ERCC6L2: variants seen among roughly 807,000 people sequenced by gnomAD.
ERCC6L2 encodes the protein DNA excision repair protein ERCC-6-like 2.
ERCC6L2 carries 77 observed loss-of-function variants against 132.0 expected under a neutral mutation model. That is an observed-to-expected ratio of 0.58 (90% CI 0.49 to 0.71). The LOEUF (loss-of-function observed/expected upper bound fraction) is 0.71. Ranked by LOEUF, ERCC6L2 falls within the 30% of genes least tolerant of loss-of-function variation. The pLI, the probability that ERCC6L2 is intolerant of heterozygous loss-of-function variation, is 0.00. For synonymous variants in ERCC6L2, 583 were observed against 632.4 expected (o/e 0.92, Z 1.17); for missense variants, 1,542 against 1,837.6 (o/e 0.84, Z 2.94).
chr9:95,972,047 A>T lies in ERCC6L2; in HGVS notation c.2296A>T (p.Thr766Ser). The change falls in exon 16 of 19, where the codon ACA (threonine) becomes TCA (serine). Residue 766 changes from threonine to serine, a missense_variant. Thr to Ser is a moderately conservative substitution (Grantham distance 58, BLOSUM62 1). Around this residue, in one of 4 missense-constraint regions of ERCC6L2, gnomAD observed 945 missense variants for 1,105.2 expected, o/e 0.86. Coordinates refer to ENST00000653738, the MANE Select transcript of ERCC6L2 (RefSeq NM_020207.7). ...CAGTGATGAAGAGCCAGTGGGAGCC[A>T]CAGGAATAAAGACTGCCAAAAACAA... Reference protein sequence around the residue: ...DFSDEEPVGATGIKTAKNKAP... With the variant: ...DFSDEEPVGASGIKTAKNKAP... 7.7e-7 allele frequency: 1 copy of T among 1,304,306 alleles called. No individual in the cohort carries two copies. The allele number at this position is 1,304,306 out of a possible 1,614,324, so 80.8% of individuals were successfully genotyped here. A position where few individuals can be genotyped will look rare whatever the true frequency, so the allele number is the denominator to read the frequency against.
rs113712008 is a variant in ERCC6L2 at position 95,944,588 on chromosome 9, C to G, written c.1847+3039C>G. Among the ~76,000 whole-genome samples the G allele has an allele frequency of 7.6e-3, 1,156 of 152,276 alleles. 23 individuals carry two copies. The highest frequency in any genetic ancestry group is 0.027 in the African/African-American group (1,123 of 41,562). On this transcript the variant is annotated intron_variant, in intron 12 of 18. Coordinates refer to ENST00000653738, the MANE Select transcript of ERCC6L2 (RefSeq NM_020207.7). ...TGATTATGATACAATTGGTTCTCAA[C>G]TCCACTTTGAAAAACACTGGATATT...
intron 12 of ERCC6L2, among the ~76,000 whole-genome samples, chr9:95,948,609 C>T (rs1831174466): frequency 6.6e-6 from 1 of 151,880 alleles, no homozygotes; most frequent in African/African-American, 2.4e-5. Context: ...TGGCAGCATA[C>T]CCAGGCAGGA....
Position 95,915,658 on chromosome 9 carries a change from TA to T in ERCC6L2, c.789-9del, listed in dbSNP as rs753334112. The T allele has an allele frequency of 6.3e-7, 1 of 1,593,714 alleles. No individual in the cohort carries two copies. The highest frequency in any genetic ancestry group is 8.5e-7 in the Non-Finnish European group (1 of 1,172,212). ...TCTCAACCTCACCCTTCTTTTTTCT[TA>T]CTTTATAGTTTGGAATGGTCAGCTG... On this transcript the variant is annotated splice_polypyrimidine_tract_variant and intron_variant, in intron 4 of 18. Transcript: ENST00000653738.
At chr9:95,943,468 G>A (rs1216412311) in intron 12 of ERCC6L2, among the ~76,000 whole-genome samples, 13 of 152,032 alleles carry the variant, frequency 8.6e-5, no homozygotes, top group Admixed American at 8.5e-4. Context: ...CACCCTGCAG[G>A]CATTCTGTTT....
At chr9:95,990,997 C>G (rs577295374) in intron 17 of ERCC6L2, among the ~76,000 whole-genome samples, 1 of 152,146 alleles carries the variant, frequency 6.6e-6, no homozygotes, top group African/African-American at 2.4e-5. Context: ...CCATCTCCAG[C>G]CAGGCCCCTC....
intron 11 of ERCC6L2, among the ~76,000 whole-genome samples, chr9:95,931,921 C>T (rs1384646468): frequency 1.3e-5 from 2 of 151,124 alleles, no homozygotes; most frequent in East Asian, 1.9e-4. Flanking sequence ...TTTTTCTCTG[C>T]TCCCTCCCTC....
chr9:95,882,894 G>A (rs1827669117), intron 2 of ERCC6L2, among the ~76,000 whole-genome samples: 1 of 152,172 alleles, frequency 6.6e-6, no homozygotes, highest in East Asian at 1.9e-4. Context: ...CATTTAGCAT[G>A]CCGGCCTGTA....
At chr9:95,935,429 G>GT (rs1476750451) in intron 11 of ERCC6L2, among the ~76,000 whole-genome samples, 2 of 152,124 alleles carry the variant, frequency 1.3e-5, no homozygotes, top group African/African-American at 4.8e-5. Context: ...TTAACAGAGT[G>GT]TAAGTATCCA....
chr9:95,949,043 AAAAG>A lies in ERCC6L2; in HGVS notation c.1848-6869_1848-6866del, dbSNP rs571116131. Among the ~76,000 whole-genome samples, 439 of 152,208 alleles carry A rather than the reference AAAAG, an allele frequency of 2.9e-3. 2 individuals carry two copies. Among genetic ancestry groups the A allele is most frequent in the African/African-American group, 0.01 (420 of 41,562 alleles). On this transcript the variant is annotated intron_variant, in intron 12 of 18. Coordinates refer to ENST00000653738, the MANE Select transcript of ERCC6L2 (RefSeq NM_020207.7). ...AAGAGATAGAAATTAAAAAAAGAAA[AAAAG>A]AGAGAGAACCAAACAAATTCTGGAC...
chr9:95,880,708 A>G (rs1195752171), intron 1 of ERCC6L2, among the ~76,000 whole-genome samples, 161 bp from the exon 2 acceptor site: 4 of 152,162 alleles, frequency 2.6e-5, no homozygotes, highest in African/African-American at 9.7e-5. Flanking sequence ...ATATCTGAAA[A>G]TCTATTTTAG....
At chr9:95,904,696 A>G (rs1828945232) in intron 3 of ERCC6L2, among the ~76,000 whole-genome samples, 1 of 152,110 alleles carries the variant, frequency 6.6e-6, no homozygotes, top group Admixed American at 6.6e-5. Flanking sequence ...TATTAATACT[A>G]TTACTACTTC....
At position 96,014,072 on chromosome 9, in the gene ERCC6L2, C is replaced by G. The variant is rs931379240; in HGVS notation, c.*869C>G. On this transcript the variant is annotated 3_prime_UTR_variant, in exon 19 of 19. Transcript: ENST00000653738. ...ATGCATGTATTTAGAAGCCTTTACT[C>G]AGCCCCTGTGTTCTGTGCTAGGAGC... 6.6e-6 allele frequency: 1 copy of G among 152,214 alleles called. No homozygotes were observed. Among genetic ancestry groups the G allele is most frequent in the Admixed American group, 6.5e-5 (1 of 15,290 alleles). The allele number at this position is 152,214 out of a possible 1,614,324, so 9.4% of individuals were successfully genotyped here.
In ERCC6L2 at chr9:95,967,947, ATTAT is replaced by A. The variant is rs1395131595; in HGVS notation, c.2100+1238_2100+1241del. ...TTGTCTATAAAAATATTAGCATTTT[ATTAT>A]TTATCCTGTTTTCTGTCATATATGA... On this transcript the variant is annotated intron_variant, in intron 14 of 18. Transcript: ENST00000653738. 3.9e-5 allele frequency: 6 copies of A among 152,292 alleles called. No individual in the cohort carries two copies. The South Asian group carries it at 1.0e-3, about 26-fold the overall frequency. The allele number at this position is 152,292 out of a possible 1,614,324, so 9.4% of individuals were successfully genotyped here.
chr9:95,984,840 G>C (rs115779500), intron 17 of ERCC6L2, among the ~76,000 whole-genome samples: 1 of 152,110 alleles, frequency 6.6e-6, no homozygotes, highest in East Asian at 1.9e-4. Context: ...TTTATTCCAT[G>C]AACAACTTTC....
chr9:95,970,000 G>T (rs1490636704), intron 14 of ERCC6L2, among the ~76,000 whole-genome samples: 4 of 152,112 alleles, frequency 2.6e-5, no homozygotes, highest in African/African-American at 9.7e-5. Flanking sequence ...AAGCTTTAAA[G>T]TCCAAATACT....
chr9:95,974,453 A>G (rs1322493548), intron 16 of ERCC6L2, among the ~76,000 whole-genome samples: 1 of 152,264 alleles, frequency 6.6e-6, no homozygotes, highest in Non-Finnish European at 1.5e-5. Flanking sequence ...CTGTGGATAG[A>G]GGGGAATCTC....
intron 1 of ERCC6L2, among the ~76,000 whole-genome samples, chr9:95,878,983 A>C (rs1227990158): frequency 6.6e-6 from 1 of 152,062 alleles, no homozygotes; most frequent in Non-Finnish European, 1.5e-5. Context: ...ATGTGTCTTT[A>C]TAGCAGCATG....
chr9:96,008,237 C>A (rs116617918), intron 18 of ERCC6L2, among the ~76,000 whole-genome samples: 2,732 of 152,242 alleles, frequency 0.018, 87 homozygotes, highest in African/African-American at 0.062. Context: ...TTCTGGGCTT[C>A]AATGTCAGTG....
intron 2 of ERCC6L2, among the ~76,000 whole-genome samples, chr9:95,884,496 T>A (rs1827762286): frequency 6.6e-6 from 1 of 151,890 alleles, no homozygotes; most frequent in African/African-American, 2.4e-5. Context: ...CTTCTTTTTT[T>A]TTTTTCCTGT....
Sources: allele counts gnomAD v4.1 joint callset (sites outside exome capture counted in the v4.1 genomes callset), GRCh38; gene constraint gnomAD v4.1.1; regional missense constraint gnomAD v4.1.1; transcripts MANE v1.5; gene names NCBI Gene and HGNC (gene_info 2026-07-23, HGNC 2026-07-21).